RIN2: variants seen among roughly 807,000 people sequenced by gnomAD.
RIN2 encodes RAB5 interacting protein 2.
In RIN2, 36 loss-of-function variants were observed where a neutral mutation model predicts 78.0. That is an observed-to-expected ratio of 0.46 (90% CI 0.35 to 0.61). The LOEUF (loss-of-function observed/expected upper bound fraction) is 0.61, where lower values mean the gene tolerates loss of function less well. Ranked by LOEUF, RIN2 falls within the 20% of genes least tolerant of loss-of-function variation. The pLI, the probability that RIN2 is intolerant of heterozygous loss-of-function variation, is 0.00. For synonymous variants in RIN2, 466 were observed against 466.8 expected, an observed-to-expected ratio of 1.00 and a Z score of 0.02; for missense variants, 1,087 against 1,159.7, an observed-to-expected ratio of 0.94 and a Z score of 0.91.
At chr20:19,965,879 T>C (rs917488193) in intron 7 of RIN2, among the ~76,000 whole-genome samples, 7 of 152,224 alleles carry the variant, frequency 4.6e-5, no homozygotes, top group African/African-American at 1.7e-4. Context: ...CCCAAAGTGC[T>C]GGGATCACAG....
chr20:19,844,593 G>GCTGCTGCTGCTGCTGCTGCTT (rs1568806843), intron 2 of RIN2, among the ~76,000 whole-genome samples: 14 of 64,112 alleles, frequency 2.2e-4, no homozygotes, highest in African/African-American at 6.7e-4. Flanking sequence ...TGCTGCTGCT[G>GCTGCTGCTGCTGCTGCTGCTT]CTTCTTCCTC....
chr20:19,988,748 A>G (rs2042699532), intron 9 of RIN2, among the ~76,000 whole-genome samples: 1 of 152,230 alleles, frequency 6.6e-6, no homozygotes, highest in Non-Finnish European at 1.5e-5. Context: ...CTCGGAACAG[A>G]AACACATTTC....
At chr20:19,879,605 C>T (rs1053800625) in intron 2 of RIN2, among the ~76,000 whole-genome samples, 3 of 152,180 alleles carry the variant, frequency 2.0e-5, no homozygotes, top group African/African-American at 7.2e-5. Flanking sequence ...GATGCAAAGA[C>T]ATGCACAAAC....
intron 3 of RIN2, among the ~76,000 whole-genome samples, chr20:19,901,452 C>T (rs1282857853): frequency 2.0e-5 from 3 of 152,136 alleles, no homozygotes; most frequent in Admixed American, 6.5e-5. Context: ...GTCGAACACC[C>T]GACCTTGTCA....
At chr20:19,921,295 T>C (rs1365629862) in intron 3 of RIN2, among the ~76,000 whole-genome samples, 2 of 152,138 alleles carry the variant, frequency 1.3e-5, no homozygotes, top group Non-Finnish European at 2.9e-5. Flanking sequence ...TTGGTGTTTT[T>C]GGGTGGTGGA....
chr20:19,780,658 A>G (rs1236835379), intron 1 of RIN2, among the ~76,000 whole-genome samples: 2 of 152,216 alleles, frequency 1.3e-5, no homozygotes, highest in Non-Finnish European at 2.9e-5. Context: ...GTGGTGAATA[A>G]AAACACATGT....
At chr20:19,869,689 A>T (rs999994466) in intron 2 of RIN2, among the ~76,000 whole-genome samples, 1 of 151,482 alleles carries the variant, frequency 6.6e-6, no homozygotes, top group East Asian at 1.9e-4. Flanking sequence ...GCAGTGGTGC[A>T]ATCACAGCTA....
intron 7 of RIN2, 148 bp downstream of exon 7, chr20:19,965,172 A>G: frequency 1.5e-6 from 1 of 681,958 alleles, no homozygotes; most frequent in Non-Finnish European, 2.6e-6. Flanking sequence ...ATGTTCACCA[A>G]GTGAACAGGT....
intron 3 of RIN2, among the ~76,000 whole-genome samples, chr20:19,926,526 T>G (rs2040229275): frequency 6.6e-6 from 1 of 151,916 alleles, no homozygotes; most frequent in Non-Finnish European, 1.5e-5. Context: ...AACCCCAACA[T>G]GAGAGGTACC....
intron 2 of RIN2, among the ~76,000 whole-genome samples, chr20:19,805,458 G>A (rs1382949445): frequency 2.6e-5 from 4 of 152,176 alleles, no homozygotes; most frequent in Admixed American, 2.0e-4. Flanking sequence ...CTGGAGTGCA[G>A]TGGTGCGATC....
At chr20:19,933,621 G>C (rs577767918) in intron 3 of RIN2, among the ~76,000 whole-genome samples, 3 of 152,208 alleles carry the variant, frequency 2.0e-5, no homozygotes, top group South Asian at 4.1e-4. Context: ...GCCCATAAAA[G>C]TTTGTCGAAA....
At chr20:19,802,963 T>C (rs150062885) in intron 2 of RIN2, among the ~76,000 whole-genome samples, 4 of 152,312 alleles carry the variant, frequency 2.6e-5, no homozygotes, top group East Asian at 1.9e-4. Context: ...CCCTCTTTTA[T>C]CTTCTCTTGT....
At chr20:19,819,289 C>T (rs181195858) in intron 2 of RIN2, among the ~76,000 whole-genome samples, 1 of 152,330 alleles carries the variant, frequency 6.6e-6, no homozygotes, top group Non-Finnish European at 1.5e-5. Context: ...CCTTCTCACA[C>T]AGCAGAGAGA....
At position 19,899,540 on chromosome 20, in the gene RIN2, C is replaced by T. The variant is rs368391192; in HGVS notation, c.57+9882C>T. Among the ~76,000 whole-genome samples, 163 of 152,258 alleles carry T rather than the reference C, an allele frequency of 1.1e-3. 1 individual carries two copies. Among genetic ancestry groups the T allele is most frequent in the South Asian group, 8.3e-3 (40 of 4,818 alleles). On this transcript the variant is annotated intron_variant, in intron 3 of 12. Transcript: ENST00000255006. ...ATTTTCTGTGGGTCAGAGATCTAAA[C>T]GCAGTTTAGCTGAGAGCCTCAAGCT... is the stretch of plus-strand genomic sequence containing the variant.
rs146419222 is a variant in RIN2 at position 19,763,387 on chromosome 20, C to CTAAATAAATAAATAAA, written c.-163+5068_-163+5083dup. Reference sequence around the variant, plus strand: ...TGGGTGACAGAGCAAGACTCTGTCTCTAAATAAATAAATAAATAAATAAGA... The same window carrying CTAAATAAATAAATAAA: ...TGGGTGACAGAGCAAGACTCTGTCTCTAAATAAATAAATAAATAAATAAATAAATAAATAAATAAGA... On this transcript the variant is annotated intron_variant, in intron 1 of 12. Coordinates refer to ENST00000255006, the MANE Select transcript of RIN2 (RefSeq NM_018993.4). 2.4e-3 allele frequency among the ~76,000 whole-genome samples: 364 copies of CTAAATAAATAAATAAA among 151,396 alleles called. 2 individuals carry two copies. The highest frequency in any genetic ancestry group is 8.6e-3 in the African/African-American group (352 of 41,074).
At chr20:19,851,045 G>T (rs767392842) in intron 2 of RIN2, among the ~76,000 whole-genome samples, 1 of 74,382 alleles carries the variant, frequency 1.3e-5, no homozygotes, top group Non-Finnish European at 3.0e-5. Flanking sequence ...AAGGAAGGAA[G>T]GAAGGAGAAA....
chr20:19,771,184 A>G (rs1420494550), intron 1 of RIN2, among the ~76,000 whole-genome samples: 2 of 152,084 alleles, frequency 1.3e-5, no homozygotes, highest in Admixed American at 6.5e-5. Context: ...TTGGTGATCA[A>G]CTTAACCTTC....
At chr20:19,881,712 T>A (rs937491305) in intron 2 of RIN2, among the ~76,000 whole-genome samples, 3 of 152,294 alleles carry the variant, frequency 2.0e-5, no homozygotes, top group Admixed American at 2.0e-4. Context: ...GAGTAGCAGC[T>A]GGAATTACAG....
At chr20:19,976,306 C>T (rs1053061510) in intron 9 of RIN2, among the ~76,000 whole-genome samples, 1 of 152,178 alleles carries the variant, frequency 6.6e-6, no homozygotes, top group Non-Finnish European at 1.5e-5. Flanking sequence ...CCTGGATAAG[C>T]AGAACCTGAC....
Sources: allele counts gnomAD v4.1 joint callset (sites outside exome capture counted in the v4.1 genomes callset), GRCh38; gene constraint gnomAD v4.1.1; transcripts MANE v1.5; gene names NCBI Gene and HGNC (gene_info 2026-07-23, HGNC 2026-07-21).